Variants in TMEM132C observed in about 807,000 individuals in gnomAD.
TMEM132C encodes the protein protein phosphatase 1, regulatory subunit 152.
Under a neutral mutation model 61.4 loss-of-function variants are expected in TMEM132C, and 29 were observed. The ratio of observed to expected loss-of-function variants is 0.47; its 90% CI spans 0.35 to 0.64. The LOEUF is 0.64. TMEM132C is among the 30% of genes least tolerant of loss of function. The pLI is 0.00. For synonymous variants in TMEM132C, 656 were observed against 633.1 expected, an observed-to-expected ratio of 1.04 and a Z score of -0.54; for missense variants, 1,408 against 1,476.9, an observed-to-expected ratio of 0.95 and a Z score of 0.76.
At chr12:128,294,875 G>A (rs1335664105) in intron 1 of TMEM132C, among the ~76,000 whole-genome samples, 1 of 152,056 alleles carries the variant, frequency 6.6e-6, no homozygotes, top group African/African-American at 2.4e-5. Flanking sequence ...AAGACGTTTA[G>A]AACACAGCCA....
intron 1 of TMEM132C, among the ~76,000 whole-genome samples, chr12:128,325,868 G>A (rs1872494829): frequency 6.6e-6 from 1 of 152,078 alleles, no homozygotes; most frequent in East Asian, 1.9e-4. Context: ...TCATCGCAGT[G>A]CGGTTGTTGG....
At chr12:128,518,242 G>A (rs1452323118) in intron 2 of TMEM132C, among the ~76,000 whole-genome samples, 1 of 152,236 alleles carries the variant, frequency 6.6e-6, no homozygotes, top group Non-Finnish European at 1.5e-5. Flanking sequence ...CAATTAATGA[G>A]ATGGAAATAG....
At chr12:128,535,808 C>T (rs911527359) in intron 2 of TMEM132C, among the ~76,000 whole-genome samples, 3 of 151,546 alleles carry the variant, frequency 2.0e-5, no homozygotes. Flanking sequence ...GCAGAGCTTG[C>T]AGTGAACCGA....
At chr12:128,358,752 G>A (rs1873601270) in intron 1 of TMEM132C, among the ~76,000 whole-genome samples, 1 of 152,048 alleles carries the variant, frequency 6.6e-6, no homozygotes, top group Non-Finnish European at 1.5e-5. Flanking sequence ...CAGGCAATAT[G>A]TAGGCCTAAA....
intron 1 of TMEM132C, among the ~76,000 whole-genome samples, chr12:128,354,695 T>C (rs978519584): frequency 6.6e-6 from 1 of 152,104 alleles, no homozygotes; most frequent in Admixed American, 6.5e-5. Context: ...CAGGAGTCAT[T>C]TGTCTTTCCG....
intron 4 of TMEM132C, among the ~76,000 whole-genome samples, chr12:128,617,837 A>G (rs1439813010): frequency 6.6e-6 from 1 of 152,218 alleles, no homozygotes; most frequent in East Asian, 1.9e-4. Flanking sequence ...AGAAGGTATC[A>G]TCTACCATAA....
At chr12:128,427,387 GGTGTGTGTGTGTGTGTGTGTGTGT>G in intron 2 of TMEM132C, among the ~76,000 whole-genome samples, 1 of 132,362 alleles carries the variant, frequency 7.6e-6, no homozygotes, top group Non-Finnish European at 1.6e-5. Flanking sequence ...CTTCCAAAGG[GGTGTGTGTGTGTGTGTGTGTGTGT>G]GTGTGTGTGT....
chr12:128,439,895 C>T (rs374809078), intron 2 of TMEM132C, among the ~76,000 whole-genome samples: 46 of 152,254 alleles, frequency 3.0e-4, no homozygotes, highest in East Asian at 1.7e-3. Context: ...GAGCCTCCTT[C>T]GAGAATGGTC....
intron 1 of TMEM132C, among the ~76,000 whole-genome samples, chr12:128,309,633 T>C (rs570387580): frequency 1.3e-5 from 2 of 152,268 alleles, no homozygotes; most frequent in South Asian, 4.1e-4. Flanking sequence ...AATCCTACAA[T>C]ATGTGACCTC....
At chr12:128,665,089 AC>A (rs1257618406) in intron 4 of TMEM132C, among the ~76,000 whole-genome samples, 1 of 151,400 alleles carries the variant, frequency 6.6e-6, no homozygotes, top group African/African-American at 2.4e-5. Context: ...ACAGGCACTC[AC>A]ACATACACAG....
rs980309492 is a variant in TMEM132C at position 128,666,243 on chromosome 12, A to G, written c.1306-3174A>G. ...CACACACACAGGCACACACACATTC[A>G]CAGGCACACACATTCACAGGCACTC... On this transcript the variant is annotated intron_variant, in intron 4 of 8. Transcript: ENST00000435159. Among the ~76,000 whole-genome samples, 2 of 150,216 alleles carry G rather than the reference A, an allele frequency of 1.3e-5. 1 individual carries two copies. Among genetic ancestry groups the G allele is most frequent in the Admixed American group, 1.3e-4 (2 of 15,054 alleles).
rs868641071 is a variant in TMEM132C at position 128,616,261 on chromosome 12, G to C, written c.1231G>C (p.Gly411Arg). The C allele has an allele frequency of 6.4e-7, 1 of 1,551,772 alleles. No homozygotes were observed. ...GTGGCAGGTGGAGTACCCACGGAAG[G>C]GGACCACAGACATCGCCGTGTCCGA... ...ITWQVEYPRK[G>R]TTDIAVSEIF... Residue 411 changes from glycine (G) to arginine (R), a missense_variant, in exon 4 of 9, where the codon GGG (glycine) becomes CGG (arginine). Gly to Arg is a moderately radical substitution (Grantham distance 125). Coordinates refer to ENST00000435159, the MANE Select transcript of TMEM132C (RefSeq NM_001136103.3).
chr12:128,495,411 G>A (rs1467237219), intron 2 of TMEM132C, among the ~76,000 whole-genome samples: 3 of 152,032 alleles, frequency 2.0e-5, no homozygotes, highest in African/African-American at 4.8e-5. Context: ...CTGTCTCATT[G>A]ATCTGTCTAA....
intron 4 of TMEM132C, among the ~76,000 whole-genome samples, chr12:128,638,762 T>C (rs570360647): frequency 1.3e-5 from 2 of 152,232 alleles, no homozygotes; most frequent in Admixed American, 1.3e-4. Flanking sequence ...ATGATAGTTG[T>C]GGTGGTTATA....
intron 4 of TMEM132C, among the ~76,000 whole-genome samples, chr12:128,657,362 T>G (rs1954336562): frequency 6.6e-6 from 1 of 152,170 alleles, no homozygotes; most frequent in Non-Finnish European, 1.5e-5. Context: ...ATTTCATCAT[T>G]GTTTGGTAGC....
At chr12:128,464,769 A>C (rs1214354972) in intron 2 of TMEM132C, among the ~76,000 whole-genome samples, 1 of 143,510 alleles carries the variant, frequency 7.0e-6, no homozygotes, top group Non-Finnish European at 1.5e-5. Context: ...TGTCAGAAAG[A>C]AAGAAAGAAA....
chr12:128,276,894 G>GCACACACACACACACACACA (rs71069547), intron 1 of TMEM132C, among the ~76,000 whole-genome samples: 235 of 150,032 alleles, frequency 1.6e-3, no homozygotes, highest in African/African-American at 5.4e-3. Context: ...GTGCGTGCAT[G>GCACACACACACACACACACA]CACACACACA....
Position 128,583,486 on chromosome 12 carries a change from A to G in TMEM132C, c.1122-32666A>G, listed in dbSNP as rs150448098. Among the ~76,000 whole-genome samples the G allele has an allele frequency of 2.3e-3, 357 of 152,284 alleles. 2 individuals are homozygous for G. Among genetic ancestry groups the G allele is most frequent in the Non-Finnish European group, 3.7e-3 (253 of 68,032 alleles). On this transcript the variant is annotated intron_variant, in intron 3 of 8. Coordinates refer to ENST00000435159, the MANE Select transcript of TMEM132C (RefSeq NM_001136103.3). ...GGAAAAGAGTTCTCCGCCTACAGCA[A>G]TCATCTCTAGAAAGGCTCACCTTAA...
rs1565998396 is a variant in TMEM132C at position 128,636,564 on chromosome 12, T to TG, written c.1305+20229_1305+20230insG. ...TCTGTTTTGTTTTTTGGGTTTTTGTTTGTGTGTGTGTGTGTGTGTGTGTGT... is the reference window on the plus strand; with the variant it reads ...TCTGTTTTGTTTTTTGGGTTTTTGTTGTGTGTGTGTGTGTGTGTGTGTGTGT... On this transcript the variant is annotated intron_variant, in intron 4 of 8. Coordinates refer to ENST00000435159, the MANE Select transcript of TMEM132C (RefSeq NM_001136103.3). Among the ~76,000 whole-genome samples, 817 of 142,348 alleles carry TG rather than the reference T, an allele frequency of 5.7e-3. 6 individuals are homozygous for TG. The highest frequency in any genetic ancestry group is 0.019 in the African/African-American group (741 of 38,150). 93.4% of individuals were successfully genotyped at this position (142,348 alleles called of 152,430 possible).
Sources: gnomAD v4.1 joint callset for allele counts (sites outside exome capture counted in the v4.1 genomes callset) on GRCh38, gnomAD v4.1.1 for gene constraint, MANE v1.5 for transcripts, NCBI Gene and HGNC (gene_info 2026-07-23, HGNC 2026-07-21) for gene names.